The following OXNAD1 variants were observed in gnomAD, a reference collection of about 807,000 sequenced individuals.
OXNAD1 encodes oxidoreductase NAD-binding domain-containing protein 1.
In OXNAD1, 34 loss-of-function variants were observed where a neutral mutation model predicts 32.9. The observed-to-expected ratio is 1.03, with a 90% CI of 0.79 to 1.38. The LOEUF (loss-of-function observed/expected upper bound fraction) is 1.38, where lower values mean the gene tolerates loss of function less well. Ranked by LOEUF, OXNAD1 falls within the 40% of genes most tolerant of loss-of-function variation. The pLI is 0.00. For synonymous variants in OXNAD1, 134 were observed against 135.2 expected (o/e 0.99, Z 0.06); for missense variants, 407 against 379.4 (o/e 1.07, Z -0.60).
intron 4 of OXNAD1, among the ~76,000 whole-genome samples, chr3:16,276,900 C>T (rs1291827217): frequency 1.3e-5 from 2 of 150,454 alleles, no homozygotes; most frequent in Non-Finnish European, 3.0e-5. Flanking sequence ...ATCTCTTCTC[C>T]TCTTCTGTTT....
In OXNAD1 at chr3:16,280,203, C is replaced by G; in HGVS notation, c.184-6139C>G. On this transcript the variant is annotated intron_variant, in intron 4 of 8. Transcript: ENST00000285083. This position sits in a 1 kb window ranked among gnomAD's most constrained non-coding sequence, Gnocchi z 4.5. ...ACATGAGGTGGGAGATCCTAGAGCTCGTGTGTTCTGATGGGGAGGGTAGAG... is the reference window on the plus strand; with the variant it reads ...ACATGAGGTGGGAGATCCTAGAGCTGGTGTGTTCTGATGGGGAGGGTAGAG... 6.6e-6 allele frequency among the ~76,000 whole-genome samples: 1 copy of G among 151,934 alleles called. No individual in the cohort carries two copies. Among genetic ancestry groups the G allele is most frequent in the East Asian group, 1.9e-4 (1 of 5,196 alleles).
At chr3:16,351,451 A>C (rs956286333), downstream of OXNAD1, among the ~76,000 whole-genome samples, 1 of 152,246 alleles carries the variant, frequency 6.6e-6, no homozygotes, top group Non-Finnish European at 1.5e-5. This position sits in a 1 kb window ranked among gnomAD's most constrained non-coding sequence, Gnocchi z 5.4. Context: ...TTAACTCAAC[A>C]AAAGATTGAA....
Position 16,329,530 on chromosome 3 carries a change from C to T in OXNAD1, c.*31-7582C>T, listed in dbSNP as rs1216514978. On this transcript the variant is annotated intron_variant, in intron 9 of 9. Coordinates refer to the OXNAD1 transcript ENST00000435829. The surrounding 1 kb of genome is among the most constrained non-coding windows in gnomAD (Gnocchi z 4.5). ...CAGCAGTTGTGACCATCCTTTCTGC[C>T]TGGCCTCTGGGCACACGCACACCTC... Among the ~76,000 whole-genome samples, 1 of 152,146 alleles carries T rather than the reference C, an allele frequency of 6.6e-6. No individual in the cohort carries two copies. Among genetic ancestry groups the T allele is most frequent in the Non-Finnish European group, 1.5e-5 (1 of 68,016 alleles).
chr3:16,297,651 A>G lies in OXNAD1; in HGVS notation c.432+2654A>G, dbSNP rs1002850152. Among the ~76,000 whole-genome samples, 19 of 152,228 alleles carry G rather than the reference A, an allele frequency of 1.2e-4. No homozygotes were observed. The highest frequency in any genetic ancestry group is 4.3e-4 in the African/African-American group (18 of 41,468). ...TTGTGATATAGTCATACAAGGGACTATTAAAGAGATGAATTATTGATGCAT... is the reference window on the plus strand; with the variant it reads ...TTGTGATATAGTCATACAAGGGACTGTTAAAGAGATGAATTATTGATGCAT... On this transcript the variant is annotated intron_variant, in intron 6 of 8. Coordinates refer to ENST00000285083, the MANE Select transcript of OXNAD1 (RefSeq NM_138381.5). This position sits in a 1 kb window ranked among gnomAD's most constrained non-coding sequence, Gnocchi z 4.3.
At chr3:16,319,324 T>C (rs1403279971) in intron 9 of OXNAD1, among the ~76,000 whole-genome samples, 2 of 152,226 alleles carry the variant, frequency 1.3e-5, no homozygotes, top group Non-Finnish European at 2.9e-5. Context: ...CTAAGAGGCC[T>C]TAAGTGCTAA....
At chr3:16,281,895 C>CTTTTTT (rs1213407558) in intron 4 of OXNAD1, among the ~76,000 whole-genome samples, 10 of 110,518 alleles carry the variant, frequency 9.0e-5, no homozygotes, top group Non-Finnish European at 1.1e-4. Context: ...AATAACATTT[C>CTTTTTT]TTTTTTTTTT....
At chr3:16,269,389 T>G (rs1022448877) in intron 2 of OXNAD1, 114 bp downstream of exon 2, 17 of 1,140,048 alleles carry the variant, frequency 1.5e-5, no homozygotes, top group Non-Finnish European at 2.0e-5. Context: ...GCCTTCTGCT[T>G]TTTTCATTTA....
Position 16,301,856 on chromosome 3 carries a change from A to G in OXNAD1, c.663A>G (p.Glu221=), listed in dbSNP as rs376034689. Residue 221 remains glutamate, a synonymous_variant, in exon 7 of 9, where the codon GAA becomes GAG. Transcript: ENST00000285083. The surrounding 1 kb of genome is among the most constrained non-coding windows in gnomAD (Gnocchi z 4.1). The part of the protein sequence containing the change: ...KLFYSAKNTS[E]LLFKKNILDL... ...TCTACAGTGCAAAAAATACCAGCGAACTCCTGTTTAAGGTAAGGGAGGTAT... is the reference window on the plus strand; with the variant it reads ...TCTACAGTGCAAAAAATACCAGCGAGCTCCTGTTTAAGGTAAGGGAGGTAT... 6.2e-7 allele frequency: 1 copy of G among 1,613,708 alleles called. No homozygotes were observed. The highest frequency in any genetic ancestry group is 8.5e-7 in the Non-Finnish European group (1 of 1,179,734).
chr3:16,303,621 C>T lies in OXNAD1; in HGVS notation c.*59C>T. 1 of 1,527,926 alleles carries T rather than the reference C, an allele frequency of 6.5e-7. No individual in the cohort carries two copies. Among genetic ancestry groups the T allele is most frequent in the Non-Finnish European group, 8.8e-7 (1 of 1,136,806 alleles). The allele number at this position is 1,527,926 out of a possible 1,614,324, so 94.6% of individuals were successfully genotyped here. On this transcript the variant is annotated 3_prime_UTR_variant, in exon 9 of 9. Coordinates refer to ENST00000285083, the MANE Select transcript of OXNAD1 (RefSeq NM_138381.5). This position sits in a 1 kb window ranked among gnomAD's most constrained non-coding sequence, Gnocchi z 4.8. The stretch of plus-strand genomic sequence containing the variant: ...AGATCTACTCAGGAGAGCTCCTGTC[C>T]TTTGTGGCATGATTAATTTTTTTTA...
chr3:16,291,709 C>T (rs1490998865), intron 5 of OXNAD1, among the ~76,000 whole-genome samples: 1 of 152,190 alleles, frequency 6.6e-6, no homozygotes, highest in African/African-American at 2.4e-5. Flanking sequence ...CATTCATGTA[C>T]AAGTTTTTGA....
rs1329995746 is a variant in OXNAD1, at chr3:16,328,007, A to T, written c.*31-9105A>T. 2.0e-5 allele frequency among the ~76,000 whole-genome samples: 3 copies of T among 152,222 alleles called. No homozygotes were observed. In the East Asian group the frequency reaches 5.8e-4, roughly 29 times the overall value. On this transcript the variant is annotated intron_variant, in intron 9 of 9. Transcript: ENST00000435829. ...TGGCTTCCGAAAATCTCAAACATGT[A>T]TCCAGATTCCTTCCACCCTGTATGC...
chr3:16,267,595 C>G (rs960408451), intron 1 of OXNAD1, among the ~76,000 whole-genome samples: 5 of 152,230 alleles, frequency 3.3e-5, no homozygotes, highest in African/African-American at 7.2e-5. Flanking sequence ...TTTTCCTCAT[C>G]ATTCAGATCT....
intron 5 of OXNAD1, among the ~76,000 whole-genome samples, chr3:16,294,319 C>T (rs1448427223): frequency 1.3e-5 from 2 of 152,116 alleles, no homozygotes; most frequent in African/African-American, 4.8e-5. Flanking sequence ...TCTTCTGCCT[C>T]AGCTTCCCAA....
intron 2 of OXNAD1, 112 bp downstream of exon 2, chr3:16,269,387 CT>C: frequency 8.6e-7 from 1 of 1,158,748 alleles, no homozygotes. Context: ...AGGCCTTCTG[CT>C]TTTTTCATTT....
downstream of OXNAD1, among the ~76,000 whole-genome samples, chr3:16,309,289 GTAGAATTAC>G (rs1207588411): frequency 2.0e-5 from 3 of 152,132 alleles, no homozygotes; most frequent in Non-Finnish European, 4.4e-5. Flanking sequence ...ACATACTCCT[GTAGAATTAC>G]TAGAAGTGCC....
exon 10 of OXNAD1, chr3:16,350,013 C>T (rs2071985230): frequency 6.6e-6 from 1 of 151,902 alleles, no homozygotes; most frequent in Non-Finnish European, 1.5e-5. Context: ...GTGCTTTACT[C>T]TTCTACTGAG....
rs961055223 is a variant in OXNAD1, at chr3:16,334,798, T to C, written c.*31-2314T>C. 1.3e-5 allele frequency among the ~76,000 whole-genome samples: 2 copies of C among 152,186 alleles called. No homozygotes were observed. Among genetic ancestry groups the C allele is most frequent in the Non-Finnish European group, 2.9e-5 (2 of 68,032 alleles). ...GCATGGTAAAGGGATGTGGCAGATA[T>C]GATTAAGCTAAGGATCTTGAGATGG... On this transcript the variant is annotated intron_variant, in intron 9 of 9. Transcript: ENST00000435829. The surrounding 1 kb of genome is among the most constrained non-coding windows in gnomAD (Gnocchi z 4.3).
rs1559786583 is a variant in OXNAD1 at position 16,312,129 on chromosome 3, TATC to T, written c.*30+8539_*30+8541del. On this transcript the variant is annotated intron_variant, in intron 9 of 9. Transcript: ENST00000435829. The surrounding 1 kb of genome is among the most constrained non-coding windows in gnomAD (Gnocchi z 4.7). ...TTAGTCTAGCCACTGAAACGATTGTTATCAACAGGAACCTGTGGTGAACATCAC... is the reference window on the plus strand; with the variant it reads ...TTAGTCTAGCCACTGAAACGATTGTTAACAGGAACCTGTGGTGAACATCAC... Among the ~76,000 whole-genome samples the T allele has an allele frequency of 6.6e-6, 1 of 152,174 alleles. No homozygotes were observed. Among genetic ancestry groups the T allele is most frequent in the East Asian group, 1.9e-4 (1 of 5,196 alleles).
chr3:16,265,961 T>A lies in OXNAD1; in HGVS notation c.-159+456T>A, dbSNP rs888816213. The stretch of plus-strand genomic sequence containing the variant: ...TGAAGCGAAATGCAGATAAAAGGCA[T>A]TTTTGTCTTGAAAGCAGTGCTAGTG... On this transcript the variant is annotated intron_variant, in intron 1 of 8. Transcript: ENST00000285083. The surrounding 1 kb of genome is among the most constrained non-coding windows in gnomAD (Gnocchi z 4.8). The A allele has an allele frequency of 8.5e-6, 8 of 943,990 alleles. No homozygotes were observed. The African/African-American group carries it at 1.2e-4, about 15-fold the overall frequency. The allele number at this position is 943,990 out of a possible 1,614,324, so 58.5% of individuals were successfully genotyped here.
Sources: gnomAD v4.1 joint callset for allele counts (sites outside exome capture counted in the v4.1 genomes callset) on GRCh38, gnomAD v4.1.1 for gene constraint, Gnocchi (gnomAD v3.1) non-coding constraint, MANE v1.5 for transcripts, NCBI Gene and HGNC (gene_info 2026-07-23, HGNC 2026-07-21) for gene names.